The following UAP1 variants were observed in gnomAD, a reference collection of about 807,000 sequenced individuals.
UAP1 encodes the protein UDP-N-acetylglucosamine pyrophosphorylase 1, also known as UDP-N-acetylhexosamine pyrophosphorylase.
UAP1 carries 25 observed loss-of-function variants against 58.5 expected under a neutral mutation model. The ratio of observed to expected loss-of-function variants is 0.43; its 90% confidence interval spans 0.31 to 0.60. UAP1 has a LOEUF of 0.60. UAP1 is among the 20% of genes least tolerant of loss of function. UAP1 has a pLI of 0.11. For missense variants in UAP1, 575 were observed against 630.0 expected (o/e 0.91, Z 0.93); for synonymous variants, 208 against 213.0 (o/e 0.98, Z 0.21).
chr1:162,599,249 T>C, intron 10 of UAP1, 22 bp from the exon 11 acceptor site: 2 of 1,566,192 alleles, frequency 1.3e-6, no homozygotes, highest in Non-Finnish European at 1.8e-6. Flanking sequence ...CTAATTGTGT[T>C]TCATTTCAAT....
At chr1:162,583,573 G>A (rs185886075) in intron 5 of UAP1, among the ~76,000 whole-genome samples, 2 of 152,220 alleles carry the variant, frequency 1.3e-5, no homozygotes, top group African/African-American at 4.8e-5. Context: ...GAGATCATCT[G>A]GTCAACCCCT....
At chr1:162,579,306 G>T in intron 3 of UAP1, 122 bp from the exon 4 acceptor site, 1 of 662,536 alleles carries the variant, frequency 1.5e-6, no homozygotes, top group Non-Finnish European at 2.2e-6. Context: ...AAAATATGAA[G>T]GAAGTCAAAA....
At chr1:162,597,815 C>T in exon 10 of UAP1, 1 of 1,613,048 alleles carries the variant, frequency 6.2e-7, no homozygotes, top group Non-Finnish European at 8.5e-7. Context: ...AATGATGTAC[C>T]AATCCAATGT....
At chr1:162,566,407 A>C (rs573383672) in intron 2 of UAP1, 59 bp downstream of exon 2, 1 of 1,515,292 alleles carries the variant, frequency 6.6e-7, no homozygotes, top group Non-Finnish European at 8.9e-7. Context: ...AAAATTGTTC[A>C]GGTAGCTGGA....
intron 1 of UAP1, chr1:162,562,610 G>A (rs1283399201): frequency 1.3e-5 from 2 of 152,120 alleles, no homozygotes; most frequent in African/African-American, 4.8e-5. Flanking sequence ...TCATATGTGT[G>A]TGTCATTTGG....
chr1:162,596,455 G>T (rs1219292197), intron 9 of UAP1, among the ~76,000 whole-genome samples: 2 of 152,220 alleles, frequency 1.3e-5, no homozygotes, highest in Non-Finnish European at 2.9e-5. Flanking sequence ...GATTACAGGT[G>T]TGAGCCACTG....
intron 8 of UAP1, 94 bp from the exon 9 acceptor site, chr1:162,592,638 C>A (rs1655384001): frequency 1.1e-6 from 1 of 928,270 alleles, no homozygotes; most frequent in South Asian, 1.4e-5. Flanking sequence ...ACCATAAATA[C>A]ATACCATTCA....
chr1:162,583,671 C>T (rs1010148130), intron 5 of UAP1, among the ~76,000 whole-genome samples: 3 of 152,008 alleles, frequency 2.0e-5, no homozygotes, highest in African/African-American at 7.3e-5. Context: ...GCTCTGTTGC[C>T]TAGGCTGGAT....
chr1:162,567,292 T>A (rs1653574551), intron 2 of UAP1, among the ~76,000 whole-genome samples: 1 of 152,234 alleles, frequency 6.6e-6, no homozygotes, highest in South Asian at 2.1e-4. Flanking sequence ...TCTTCCTCAA[T>A]AAATTGTAAA....
exon 3 of UAP1, chr1:162,576,893 A>G (rs1418246034): frequency 1.2e-6 from 2 of 1,614,052 alleles, no homozygotes; most frequent in Admixed American, 3.3e-5. Flanking sequence ...GCCATCCCGT[A>G]AGACACTTTT....
At chr1:162,590,610 T>A in intron 8 of UAP1, 99 bp downstream of exon 8, 2 of 1,040,690 alleles carry the variant, frequency 1.9e-6, no homozygotes, top group Non-Finnish European at 2.7e-6. Flanking sequence ...AGATCTTTTT[T>A]AAAAAGCAAA....
chr1:162,582,619 A>C (rs1654657357), intron 5 of UAP1, among the ~76,000 whole-genome samples: 1 of 152,214 alleles, frequency 6.6e-6, no homozygotes, highest in Non-Finnish European at 1.5e-5. Flanking sequence ...TTAAAAATGA[A>C]ATCATAAAGG....
intron 2 of UAP1, among the ~76,000 whole-genome samples, chr1:162,570,458 C>T (rs984760930): frequency 6.6e-6 from 1 of 152,136 alleles, no homozygotes; most frequent in Admixed American, 6.6e-5. Flanking sequence ...TTTGCTTTCT[C>T]TCTCCCTCTT....
intron 5 of UAP1, among the ~76,000 whole-genome samples, chr1:162,583,750 C>T (rs984334877): frequency 1.3e-5 from 2 of 152,180 alleles, no homozygotes; most frequent in Admixed American, 1.3e-4. Context: ...GCCTCAGCCT[C>T]TGGAGTAGCT....
At position 162,576,714 on chromosome 1, in the gene UAP1, G is replaced by T. The variant is rs940425041; in HGVS notation, c.281-63G>T. 4.2e-6 allele frequency: 6 copies of T among 1,438,546 alleles called. No homozygotes were observed. The African/African-American group carries it at 8.5e-5, about 20-fold the overall frequency. The allele number at this position is 1,438,546 out of a possible 1,614,324, so 89.1% of individuals were successfully genotyped here. On this transcript the variant is annotated intron_variant, in intron 2 of 10. Transcript: ENST00000271469. ...TTGATGAGTCTTTGCTGCTACCTAT[G>T]TATATTTAATACTAAAGTGTTGAAT...
At chr1:162,587,552 T>C in exon 6 of UAP1, 1 of 1,614,066 alleles carries the variant, frequency 6.2e-7, no homozygotes, top group Non-Finnish European at 8.5e-7. Context: ...TGGTAGAATA[T>C]AGTGAGATTT....
At chr1:162,600,108 C>G (rs1571103614), downstream of UAP1, among the ~76,000 whole-genome samples, 1 of 152,164 alleles carries the variant, frequency 6.6e-6, no homozygotes, top group Non-Finnish European at 1.5e-5. Context: ...GAAGTGGTAC[C>G]ACTGGCATCT....
chr1:162,563,099 A>G (rs993414073), intron 1 of UAP1, among the ~76,000 whole-genome samples: 1 of 152,202 alleles, frequency 6.6e-6, no homozygotes, highest in African/African-American at 2.4e-5. Context: ...TTGTCAAAAT[A>G]AAAATCCATA....
intron 9 of UAP1, among the ~76,000 whole-genome samples, chr1:162,595,276 A>G (rs1320042258): frequency 2.0e-5 from 3 of 152,162 alleles, no homozygotes; most frequent in Non-Finnish European, 4.4e-5. Flanking sequence ...AATGGAAGTT[A>G]CATATTCAGG....
Sources: allele counts gnomAD v4.1 joint callset (sites outside exome capture counted in the v4.1 genomes callset), GRCh38; gene constraint gnomAD v4.1.1; transcripts MANE v1.5; gene names NCBI Gene and HGNC (gene_info 2026-07-23, HGNC 2026-07-21).